The following CACNG8 variants were observed in gnomAD, a reference collection of about 807,000 sequenced individuals.
The protein encoded by CACNG8 is voltage-dependent calcium channel gamma-8 subunit.
A neutral mutation model predicts 26.9 loss-of-function variants in CACNG8; 5 were observed. That is an observed-to-expected ratio of 0.19 (90% CI 0.10 to 0.39). The LOEUF (loss-of-function observed/expected upper bound fraction) is 0.39. Ranked by LOEUF, CACNG8 falls within the 10% of genes least tolerant of loss-of-function variation. CACNG8 has a pLI of 1.00. For synonymous variants in CACNG8, 321 were observed against 296.7 expected, an observed-to-expected ratio of 1.08 and a Z score of -0.84; for missense variants, 473 against 609.4, an observed-to-expected ratio of 0.78 and a Z score of 2.36.
At chr19:53,967,789 C>T (rs376680383) in intron 1 of CACNG8, among the ~76,000 whole-genome samples, 2 of 151,974 alleles carry the variant, frequency 1.3e-5, no homozygotes, top group Non-Finnish European at 2.9e-5. Flanking sequence ...GAGCCGAGAT[C>T]GCATCACTGC....
rs1335289045 is a variant in CACNG8 at position 53,963,355 on chromosome 19, C to T, written c.213C>T (p.Gly71=). Residue 71 remains glycine (G), a synonymous_variant, in exon 1 of 4, where the codon GGC becomes GGT. Coordinates refer to ENST00000270458, the MANE Select transcript of CACNG8 (RefSeq NM_031895.6). ...ACGGGACCCCCCACCGCGGGGGCGG[C>T]GGCGCCTCGGAGAAGAAGGACCCCG... 7 of 1,591,662 alleles carry T rather than the reference C, an allele frequency of 4.4e-6. No homozygotes were observed. Among genetic ancestry groups the T allele is most frequent in the Non-Finnish European group, 5.1e-6 (6 of 1,174,884 alleles).
intron 1 of CACNG8, among the ~76,000 whole-genome samples, chr19:53,966,139 G>A (rs2069271402): frequency 6.6e-6 from 1 of 152,080 alleles, no homozygotes; most frequent in South Asian, 2.1e-4. Flanking sequence ...CCAAGCTGTA[G>A]TGCAGTGGCG....
In CACNG8 at chr19:53,980,736, A is replaced by G. The variant is rs554324939; in HGVS notation, c.508+729A>G. ...AGTACCTGGGATTGGCCGTCTCAAG[A>G]GCTAGGGCCTAGACGAGCAGAGAGC... On this transcript the variant is annotated intron_variant, in intron 3 of 3. Coordinates refer to ENST00000270458, the MANE Select transcript of CACNG8 (RefSeq NM_031895.6). Among the ~76,000 whole-genome samples, 6 of 152,296 alleles carry G rather than the reference A, an allele frequency of 3.9e-5. No homozygotes were observed. In the East Asian group the frequency reaches 1.2e-3, roughly 29 times the overall value.
In CACNG8 at chr19:53,978,140, C is replaced by T. The variant is rs1349270390; in HGVS notation, c.284-6C>T. 1 of 1,610,742 alleles carries T rather than the reference C, an allele frequency of 6.2e-7. No homozygotes were observed. Among genetic ancestry groups the T allele is most frequent in the Non-Finnish European group, 8.5e-7 (1 of 1,178,440 alleles). ...GCCCCCACCACTGCCCTCCCCGCTC[C>T]TCCAGGGTTGAAAAGAGGCGTCTGC... On this transcript the variant is annotated splice_polypyrimidine_tract_variant and splice_region_variant and intron_variant, in intron 1 of 3. Coordinates refer to ENST00000270458, the MANE Select transcript of CACNG8 (RefSeq NM_031895.6).
At chr19:53,970,435 G>C (rs2069295850) in intron 1 of CACNG8, among the ~76,000 whole-genome samples, 1 of 151,736 alleles carries the variant, frequency 6.6e-6, no homozygotes, top group Non-Finnish European at 1.5e-5. Context: ...GTCCAGCCTG[G>C]CCTATATGGT....
At position 53,983,185 on chromosome 19, in the gene CACNG8, G is replaced by GGGGA. The variant is rs1245915342; in HGVS notation, c.*345_*348dup. 6.1e-5 allele frequency: 9 copies of GGGGA among 146,414 alleles called. No homozygotes were observed. Among genetic ancestry groups the GGGGA allele is most frequent in the Middle Eastern group, 3.5e-3 (1 of 288 alleles). The allele number at this position is 146,414 out of a possible 1,614,324, so 9.1% of individuals were successfully genotyped here. ...GTGCATGGGGGGCGGGGCGGGGGGA[G>GGGGA]GGGAGGGAGGGACTCCCAGCCCAGC... On this transcript the variant is annotated 3_prime_UTR_variant, in exon 4 of 4. Transcript: ENST00000270458.
At chr19:53,968,904 A>T (rs2069286543) in intron 1 of CACNG8, among the ~76,000 whole-genome samples, 1 of 151,768 alleles carries the variant, frequency 6.6e-6, no homozygotes, top group South Asian at 2.1e-4. Context: ...TTTCAAGGAG[A>T]GGAGGAATGA....
intron 1 of CACNG8, among the ~76,000 whole-genome samples, chr19:53,970,560 G>A (rs1209401933): frequency 1.3e-5 from 2 of 150,630 alleles, no homozygotes; most frequent in African/African-American, 4.9e-5. Context: ...AGGAGGCGGA[G>A]GTTGCTGTGA....
chr19:53,972,361 CTTTTT>C (rs577196456), intron 1 of CACNG8, among the ~76,000 whole-genome samples: 1 of 106,288 alleles, frequency 9.4e-6, no homozygotes, highest in Non-Finnish European at 1.8e-5. Context: ...TTCTTCTTTT[CTTTTT>C]TTTTTTTTTT....
chr19:53,970,084 AGGCG>A (rs1001871881), intron 1 of CACNG8, among the ~76,000 whole-genome samples: 4 of 152,204 alleles, frequency 2.6e-5, no homozygotes, highest in African/African-American at 9.6e-5. Context: ...TGGGAGGCCG[AGGCG>A]GGCGGATCAC....
At position 53,982,656 on chromosome 19, in the gene CACNG8, C is replaced by A; in HGVS notation, c.1085C>A (p.Ala362Glu). 1 of 1,066,524 alleles carries A rather than the reference C, an allele frequency of 9.4e-7. No individual in the cohort carries two copies. The allele number at this position is 1,066,524 out of a possible 1,614,324, so 66.1% of individuals were successfully genotyped here. ...GGTGCCGAGCGGGACCGCGGGGGGG[C>A]GTCCGGCTTCCTCACGCTGCACAAC... The change falls in exon 4 of 4, where the codon GCG becomes GAG. Residue 362 changes from alanine (A) to glutamate (E), a missense_variant. By Grantham distance (107) the Ala-to-Glu change is moderately radical (BLOSUM62 -1). Around this residue, in one of 6 missense-constraint regions of CACNG8, gnomAD observed 212 missense variants for 214.4 expected, o/e 0.99. Transcript: ENST00000270458. The surrounding 1 kb of genome is among the most constrained non-coding windows in gnomAD (Gnocchi z 8.4).
rs2069420113 is a variant in CACNG8, at chr19:53,988,348, C to T, written c.*5499C>T. ...GGTGCGATGGCTCACGTGTGTAATC[C>T]CAGCACTTTGGGAGGCCGAAGTGGG... On this transcript the variant is annotated 3_prime_UTR_variant, in exon 4 of 4. Transcript: ENST00000270458. 1 of 151,166 alleles carries T rather than the reference C, an allele frequency of 6.6e-6. No individual in the cohort carries two copies. The highest frequency in any genetic ancestry group is 6.6e-5 in the Admixed American group (1 of 15,134). 9.4% of individuals were successfully genotyped at this position (151,166 alleles called of 1,614,324 possible). A position where few individuals can be genotyped will look rare whatever the true frequency, so the allele number is the denominator to read the frequency against.
chr19:53,979,244 TAAGAG>T (rs1487144386), intron 2 of CACNG8, among the ~76,000 whole-genome samples: 1 of 123,064 alleles, frequency 8.1e-6, no homozygotes, highest in Non-Finnish European at 1.6e-5. Flanking sequence ...GCCAAGCAGA[TAAGAG>T]GAGAGAGGGG....
chr19:53,970,770 A>G (rs556006794), intron 1 of CACNG8, among the ~76,000 whole-genome samples: 1 of 150,890 alleles, frequency 6.6e-6, no homozygotes, highest in South Asian at 2.1e-4. Flanking sequence ...CCGCCTGTGT[A>G]AAAAATTAAA....
At chr19:53,971,289 CT>C (rs2069301273) in intron 1 of CACNG8, among the ~76,000 whole-genome samples, 1 of 95,964 alleles carries the variant, frequency 1.0e-5, no homozygotes. Context: ...GAGGCCCTGT[CT>C]CAAAAAAAAA....
At chr19:53,979,294 A>G (rs1341654840) in intron 2 of CACNG8, among the ~76,000 whole-genome samples, 3 of 143,360 alleles carry the variant, frequency 2.1e-5, no homozygotes, top group Admixed American at 7.0e-5. Flanking sequence ...AGCCAGCAAT[A>G]AAACTGGGTG....
rs576514689 is a variant in CACNG8 at position 53,966,801 on chromosome 19, G to A, written c.283+3376G>A. ...CACACGAGCTGACTTACATTTTTGCGGTATGTTTCTTGCTGCTGTGTTAAC... is the reference window on the plus strand; with the variant it reads ...CACACGAGCTGACTTACATTTTTGCAGTATGTTTCTTGCTGCTGTGTTAAC... On this transcript the variant is annotated intron_variant, in intron 1 of 3. Transcript: ENST00000270458. 1.6e-3 allele frequency among the ~76,000 whole-genome samples: 237 copies of A among 152,254 alleles called. 1 individual carries two copies. The highest frequency in any genetic ancestry group is 3.5e-3 in the South Asian group (17 of 4,830).
intron 1 of CACNG8, among the ~76,000 whole-genome samples, chr19:53,964,209 T>C (rs1238424755): frequency 6.6e-6 from 1 of 151,356 alleles, no homozygotes; most frequent in East Asian, 2.0e-4. Flanking sequence ...CTCCCGACAT[T>C]TCCCCCCCAG....
At position 53,972,287 on chromosome 19, in the gene CACNG8, C is replaced by G. The variant is rs11883332; in HGVS notation, c.284-5859C>G. 9.2e-3 allele frequency among the ~76,000 whole-genome samples: 1,385 copies of G among 150,824 alleles called. 26 individuals carry two copies. The highest frequency in any genetic ancestry group is 0.032 in the African/African-American group (1,307 of 41,182). On this transcript the variant is annotated intron_variant, in intron 1 of 3. Coordinates refer to ENST00000270458, the MANE Select transcript of CACNG8 (RefSeq NM_031895.6). ...CTGGGATTACAGCTGTGAGCCACTG[C>G]GCCTGGTCTTCTGTGCCTTTCTTTC...
Sources: allele counts gnomAD v4.1 joint callset (sites outside exome capture counted in the v4.1 genomes callset), GRCh38; gene constraint gnomAD v4.1.1; regional missense constraint gnomAD v4.1.1; non-coding constraint Gnocchi (gnomAD v3.1); transcripts MANE v1.5; gene names NCBI Gene and HGNC (gene_info 2026-07-23, HGNC 2026-07-21).